PLCB4: variants seen among roughly 807,000 people sequenced by gnomAD.
PLCB4 encodes the protein phospholipase C beta 4.
PLCB4 carries 77 observed loss-of-function variants against 178.8 expected under a neutral mutation model. The observed-to-expected ratio is 0.43, with a 90% CI of 0.36 to 0.52. The LOEUF (loss-of-function observed/expected upper bound fraction) is 0.52. PLCB4 is among the 20% of genes least tolerant of loss of function. The pLI, the probability that PLCB4 is intolerant of heterozygous loss-of-function variation, is 0.00. For synonymous variants in PLCB4, 496 were observed against 490.8 expected (o/e 1.01, Z -0.14); for missense variants, 1,024 against 1,453.4 (o/e 0.70, Z 4.80).
chr20:9,421,127 G>C (rs1346627433), intron 26 of PLCB4, among the ~76,000 whole-genome samples, 170 bp from the exon 27 acceptor site: 1 of 152,056 alleles, frequency 6.6e-6, no homozygotes, highest in African/African-American at 2.4e-5. Flanking sequence ...TTTGCCTATA[G>C]TAGTTGTTCG....
At chr20:9,298,850 C>T (rs1002814056) in intron 3 of PLCB4, among the ~76,000 whole-genome samples, 7 of 151,872 alleles carry the variant, frequency 4.6e-5, no homozygotes, top group Admixed American at 4.6e-4. Flanking sequence ...TATTTTATTC[C>T]TGTGCAATTT....
At chr20:9,218,362 C>T (rs1223697809) in intron 3 of PLCB4, among the ~76,000 whole-genome samples, 2 of 152,166 alleles carry the variant, frequency 1.3e-5, no homozygotes, top group Non-Finnish European at 2.9e-5. Flanking sequence ...ACCTCGGCCT[C>T]CCAAAGTGCT....
At chr20:9,371,964 C>G (rs2036288347) in intron 10 of PLCB4, among the ~76,000 whole-genome samples, 1 of 152,194 alleles carries the variant, frequency 6.6e-6, no homozygotes, top group Admixed American at 6.5e-5. Context: ...ATTTATTCAG[C>G]ATCCCTCAGG....
chr20:9,227,684 C>A (rs1037516589), intron 3 of PLCB4, among the ~76,000 whole-genome samples: 7 of 152,030 alleles, frequency 4.6e-5, no homozygotes, highest in African/African-American at 1.2e-4. Context: ...GTTCTGTATG[C>A]CTATACTTAT....
intron 28 of PLCB4, among the ~76,000 whole-genome samples, chr20:9,424,596 C>T (rs533880964): frequency 2.0e-5 from 3 of 152,270 alleles, no homozygotes; most frequent in South Asian, 4.1e-4. Flanking sequence ...TGATGGCATC[C>T]GATTAGCCAA....
In PLCB4 at chr20:9,479,765, G is replaced by A. The variant is rs2044775241; in HGVS notation, c.*756G>A. 6.6e-6 allele frequency: 1 copy of A among 152,610 alleles called. No individual in the cohort carries two copies. The highest frequency in any genetic ancestry group is 1.5e-5 in the Non-Finnish European group (1 of 68,046). The allele number at this position is 152,610 out of a possible 1,614,324, so 9.5% of individuals were successfully genotyped here. A position where few individuals can be genotyped will look rare whatever the true frequency, so the allele number is the denominator to read the frequency against. ...GTTATTGGCAAACGTTTGTAAATGTGACCATGTATAAAGTATTTATACTCT... is the reference window on the plus strand; with the variant it reads ...GTTATTGGCAAACGTTTGTAAATGTAACCATGTATAAAGTATTTATACTCT... On this transcript the variant is annotated 3_prime_UTR_variant, in exon 40 of 40. Transcript: ENST00000378473.
chr20:9,097,297 T>G (rs897456578), intron 2 of PLCB4, among the ~76,000 whole-genome samples: 3 of 145,664 alleles, frequency 2.1e-5, no homozygotes, highest in African/African-American at 7.6e-5. Context: ...GGACTGGCTC[T>G]CCTGTTCTGA....
intron 3 of PLCB4, among the ~76,000 whole-genome samples, chr20:9,232,604 T>A (rs1786187785): frequency 6.6e-6 from 1 of 152,150 alleles, no homozygotes; most frequent in African/African-American, 2.4e-5. Context: ...CTTCACTTAT[T>A]TAGTTGAATT....
At chr20:9,342,328 A>T (rs1389032399) in intron 7 of PLCB4, among the ~76,000 whole-genome samples, 1 of 152,132 alleles carries the variant, frequency 6.6e-6, no homozygotes, top group Admixed American at 6.6e-5. Flanking sequence ...AAATGTAGAG[A>T]TTTCCCAGGG....
At chr20:9,204,591 G>A (rs1211684561) in intron 2 of PLCB4, among the ~76,000 whole-genome samples, 1 of 152,002 alleles carries the variant, frequency 6.6e-6, no homozygotes, top group Non-Finnish European at 1.5e-5. Flanking sequence ...TTGAACTCCT[G>A]ACCTCAGGTG....
chr20:9,130,123 G>A (rs546043205), intron 2 of PLCB4, among the ~76,000 whole-genome samples: 57 of 152,112 alleles, frequency 3.7e-4, no homozygotes, highest in Non-Finnish European at 6.9e-4. Context: ...CAATGCAGCC[G>A]ACAATGTAAG....
intron 4 of PLCB4, among the ~76,000 whole-genome samples, chr20:9,335,071 C>A (rs978197961): frequency 6.6e-6 from 1 of 152,038 alleles, no homozygotes. Flanking sequence ...GTGGCTGATT[C>A]TTTGTGGATC....
Position 9,478,922 on chromosome 20 carries a change from C to A in PLCB4, c.3534C>A (p.Gly1178=). 6.2e-7 allele frequency: 1 copy of A among 1,611,814 alleles called. No individual in the cohort carries two copies. The highest frequency in any genetic ancestry group is 8.5e-7 in the Non-Finnish European group (1 of 1,178,194). ...KSCHAVSQTQ[G]EGDAADGEIG... Reference sequence around the variant, plus strand: ...AAGGCCATGTTTCTGATGTTATAGGCGAAGGAGATGCAGCAGATGGTGAAA... The same window carrying A: ...AAGGCCATGTTTCTGATGTTATAGGAGAAGGAGATGCAGCAGATGGTGAAA... Residue 1178 remains glycine (G), a splice_region_variant and synonymous_variant, in exon 40 of 40, where the codon GGC becomes GGA. Transcript: ENST00000378473.
At chr20:9,137,067 C>T (rs189553463) in intron 2 of PLCB4, among the ~76,000 whole-genome samples, 3 of 152,158 alleles carry the variant, frequency 2.0e-5, no homozygotes, top group East Asian at 1.9e-4. Context: ...AAGCCACAGT[C>T]GACCAGGAAG....
intron 7 of PLCB4, among the ~76,000 whole-genome samples, chr20:9,360,111 C>A (rs1369361733): frequency 6.6e-6 from 1 of 152,158 alleles, no homozygotes; most frequent in Admixed American, 6.5e-5. Flanking sequence ...GCTCTTGTTG[C>A]CTGTCTGCCC....
intron 35 of PLCB4, among the ~76,000 whole-genome samples, chr20:9,465,189 A>G (rs1029479763): frequency 6.6e-6 from 1 of 152,358 alleles, no homozygotes; most frequent in Admixed American, 6.5e-5. Flanking sequence ...CAAAAACCAC[A>G]TGATTATCTC....
chr20:9,097,746 T>C (rs764511164), intron 2 of PLCB4, among the ~76,000 whole-genome samples: 3 of 152,114 alleles, frequency 2.0e-5, no homozygotes, highest in African/African-American at 7.2e-5. Flanking sequence ...TGGTTCTCTC[T>C]GACAGAGCTC....
At chr20:9,240,711 T>C (rs2147410158) in intron 3 of PLCB4, among the ~76,000 whole-genome samples, 1 of 152,326 alleles carries the variant, frequency 6.6e-6, no homozygotes, top group African/African-American at 2.4e-5. Flanking sequence ...CTTTATCTTC[T>C]ATTCTTGTTT....
intron 3 of PLCB4, among the ~76,000 whole-genome samples, chr20:9,275,326 A>C (rs1057220989): frequency 1.3e-5 from 2 of 152,052 alleles, no homozygotes; most frequent in Non-Finnish European, 2.9e-5. Flanking sequence ...ACTGACTCCC[A>C]TGATTCAGTT....
Sources: allele counts gnomAD v4.1 joint callset (sites outside exome capture counted in the v4.1 genomes callset), GRCh38; gene constraint gnomAD v4.1.1; transcripts MANE v1.5; gene names NCBI Gene and HGNC (gene_info 2026-07-23, HGNC 2026-07-21).